Variants in GPR137B observed in about 807,000 individuals in gnomAD.
The protein encoded by GPR137B is integral membrane protein GPR137B.
GPR137B carries 42 observed loss-of-function variants against 42.5 expected under a neutral mutation model. That is an observed-to-expected ratio of 0.99 (90% confidence interval 0.77 to 1.28). The LOEUF (loss-of-function observed/expected upper bound fraction) is 1.28. Ranked by LOEUF, GPR137B falls within the 50% of genes most tolerant of loss-of-function variation. The pLI, the probability that GPR137B is intolerant of heterozygous loss-of-function variation, is 0.00. For synonymous variants in GPR137B, 218 were observed against 209.7 expected (o/e 1.04, Z -0.34); for missense variants, 487 against 493.9 (o/e 0.99, Z 0.13).
At position 236,208,852 on chromosome 1, in the gene GPR137B, A is replaced by G; in HGVS notation, c.*694A>G. 2.0e-6 allele frequency: 2 copies of G among 981,018 alleles called. No homozygotes were observed. The highest frequency in any genetic ancestry group is 2.4e-6 in the Non-Finnish European group (2 of 825,958). 60.8% of individuals were successfully genotyped at this position (981,018 alleles called of 1,614,324 possible). ...ATGTATACACATTAATGATAAGTTGATAACATTAAAAATGTAGCTGACTTA... is the reference window on the plus strand; with the variant it reads ...ATGTATACACATTAATGATAAGTTGGTAACATTAAAAATGTAGCTGACTTA... On this transcript the variant is annotated 3_prime_UTR_variant, in exon 7 of 7. Coordinates refer to ENST00000366592, the MANE Select transcript of GPR137B (RefSeq NM_003272.4).
chr1:236,170,381 G>A (rs1662497695), intron 2 of GPR137B, among the ~76,000 whole-genome samples: 1 of 152,180 alleles, frequency 6.6e-6, no homozygotes, highest in Non-Finnish European at 1.5e-5. Context: ...AAGGAAACCA[G>A]TTCAGAAGGT....
chr1:236,170,528 C>T lies in GPR137B; in HGVS notation c.464+1773C>T, dbSNP rs116233737. 8.5e-3 allele frequency among the ~76,000 whole-genome samples: 1,290 copies of T among 152,190 alleles called. 19 individuals are homozygous for T. The highest frequency in any genetic ancestry group is 0.029 in the African/African-American group (1,183 of 41,508). ...ACTGCTTTGTACGTGGCTCAGTTCA[C>T]GTCTCTACCAGGCTCAGGTGGAACT... is the stretch of plus-strand genomic sequence containing the variant. On this transcript the variant is annotated intron_variant, in intron 2 of 6. Transcript: ENST00000366592.
chr1:236,173,930 GA>G (rs34712744), intron 2 of GPR137B, among the ~76,000 whole-genome samples: 37,987 of 151,814 alleles, frequency 0.25, 5,481 homozygotes, highest in East Asian at 0.52. Context: ...AGGATATTAG[GA>G]AAAAAATTAT....
chr1:236,157,077 A>T (rs913039551), intron 1 of GPR137B, among the ~76,000 whole-genome samples: 10 of 152,292 alleles, frequency 6.6e-5, no homozygotes, highest in Admixed American at 3.9e-4. Flanking sequence ...CCAAATGCTT[A>T]GGAAAACCTG....
At position 236,208,781 on chromosome 1, in the gene GPR137B, C is replaced by CTTAAG. The variant is rs142541024; in HGVS notation, c.*626_*630dup. 3.5e-3 allele frequency: 3,408 copies of CTTAAG among 985,132 alleles called. 10 individuals carry two copies. The highest frequency in any genetic ancestry group is 4.0e-3 in the Non-Finnish European group (3,278 of 829,812). 61.0% of individuals were successfully genotyped at this position (985,132 alleles called of 1,614,324 possible). On this transcript the variant is annotated 3_prime_UTR_variant, in exon 7 of 7. Transcript: ENST00000366592. ...AGGCCGTAGGTTCCTCAAGGAATCT[C>CTTAAG]TTAAGTTTTGCCCAAAGACTGGTAC...
chr1:236,184,982 G>A (rs1571995096), intron 5 of GPR137B, among the ~76,000 whole-genome samples: 1 of 152,094 alleles, frequency 6.6e-6, no homozygotes, highest in Non-Finnish European at 1.5e-5. Flanking sequence ...GGCCAGGCTG[G>A]TCTCGAACTC....
chr1:236,191,539 T>C (rs1032457074), intron 5 of GPR137B, among the ~76,000 whole-genome samples: 1 of 152,190 alleles, frequency 6.6e-6, no homozygotes, highest in Non-Finnish European at 1.5e-5. Context: ...GTGGACATGC[T>C]CTTCCTTTCT....
intron 1 of GPR137B, among the ~76,000 whole-genome samples, chr1:236,148,622 G>C (rs1039383942): frequency 6.6e-6 from 1 of 152,192 alleles, no homozygotes; most frequent in African/African-American, 2.4e-5. Context: ...ACATTTATCG[G>C]GGTCTGGTCT....
intron 1 of GPR137B, among the ~76,000 whole-genome samples, chr1:236,168,415 T>C (rs1662428598): frequency 1.3e-5 from 2 of 149,362 alleles, no homozygotes; most frequent in South Asian, 4.2e-4. Context: ...AAGAGTGAAA[T>C]TCTGTCTCGA....
chr1:236,173,731 G>A lies in GPR137B; in HGVS notation c.465-4683G>A, dbSNP rs192044713. ...CTGGCCCTATGGTTTAGGTTAAAAG[G>A]CAGTAGTATTGGGGGCAGTGTACAA... On this transcript the variant is annotated intron_variant, in intron 2 of 6. Transcript: ENST00000366592. 1.5e-3 allele frequency among the ~76,000 whole-genome samples: 220 copies of A among 151,266 alleles called. 1 individual carries two copies. Among genetic ancestry groups the A allele is most frequent in the African/African-American group, 5.1e-3 (207 of 40,916 alleles).
In GPR137B at chr1:236,208,532, A is replaced by T. The variant is rs1170384149; in HGVS notation, c.*374A>T. 4 of 943,990 alleles carry T rather than the reference A, an allele frequency of 4.2e-6. No individual in the cohort carries two copies. Among genetic ancestry groups the T allele is most frequent in the Non-Finnish European group, 5.1e-6 (4 of 787,680 alleles). The allele number at this position is 943,990 out of a possible 1,614,324, so 58.5% of individuals were successfully genotyped here. ...TTTATGCATAATTCACTTTAAAAAT[A>T]TAGAATATATGGTCTAATAGTTTTT... is the stretch of plus-strand genomic sequence containing the variant. On this transcript the variant is annotated 3_prime_UTR_variant, in exon 7 of 7. Transcript: ENST00000366592.
intron 4 of GPR137B, among the ~76,000 whole-genome samples, chr1:236,180,761 C>T (rs1571991027): frequency 6.6e-6 from 1 of 151,742 alleles, no homozygotes; most frequent in Admixed American, 6.6e-5. Flanking sequence ...GGATAACAGG[C>T]ACCCACTACC....
At chr1:236,181,590 C>G (rs1662878782) in intron 4 of GPR137B, among the ~76,000 whole-genome samples, 1 of 152,140 alleles carries the variant, frequency 6.6e-6, no homozygotes, top group Non-Finnish European at 1.5e-5. Context: ...CAATAGTGCT[C>G]AAACCCTGAG....
chr1:236,144,794 C>T (rs1229170419), intron 1 of GPR137B, among the ~76,000 whole-genome samples: 1 of 152,230 alleles, frequency 6.6e-6, no homozygotes, highest in Non-Finnish European at 1.5e-5. Context: ...TGGTATTGCA[C>T]GTTGAGCTCT....
chr1:236,183,330 C>T (rs569379500), intron 4 of GPR137B, among the ~76,000 whole-genome samples: 3 of 152,066 alleles, frequency 2.0e-5, no homozygotes, highest in Non-Finnish European at 4.4e-5. Flanking sequence ...TATGCTGCTC[C>T]CAAGAATTTA....
At chr1:236,180,155 A>G (rs1662826976) in intron 4 of GPR137B, 127 bp downstream of exon 4, 1 of 723,304 alleles carries the variant, frequency 1.4e-6, no homozygotes, top group African/African-American at 1.7e-5. Flanking sequence ...ATGGTGTAGT[A>G]TCTGCATATA....
At chr1:236,207,403 C>A in intron 6 of GPR137B, 1 of 333,528 alleles carries the variant, frequency 3.0e-6, no homozygotes, top group Non-Finnish European at 4.3e-6. Context: ...TACCCCACTG[C>A]ATCTCCTATT....
At chr1:236,162,357 A>G (rs994115679) in intron 1 of GPR137B, among the ~76,000 whole-genome samples, 2 of 152,244 alleles carry the variant, frequency 1.3e-5, no homozygotes, top group Admixed American at 6.5e-5. Flanking sequence ...AACAGAACAT[A>G]AAAATTCAGA....
At chr1:236,144,933 G>T (rs1661642201) in intron 1 of GPR137B, among the ~76,000 whole-genome samples, 1 of 152,244 alleles carries the variant, frequency 6.6e-6, no homozygotes, top group African/African-American at 2.4e-5. Context: ...CACATTTTCT[G>T]CACCATCTGC....
Sources: gnomAD v4.1 joint callset for allele counts (sites outside exome capture counted in the v4.1 genomes callset) on GRCh38, gnomAD v4.1.1 for gene constraint, MANE v1.5 for transcripts, NCBI Gene and HGNC (gene_info 2026-07-23, HGNC 2026-07-21) for gene names.